Variants in EIF4E2 observed in about 807,000 individuals in gnomAD.
EIF4E2 encodes eukaryotic translation initiation factor 4E type 2.
EIF4E2 carries 13 observed loss-of-function variants against 34.2 expected under a neutral mutation model. The ratio of observed to expected loss-of-function variants is 0.38; its 90% confidence interval spans 0.25 to 0.60. The LOEUF (loss-of-function observed/expected upper bound fraction) is 0.60, where lower values mean the gene tolerates loss of function less well. EIF4E2 is among the 20% of genes least tolerant of loss of function. The pLI, the probability that EIF4E2 is intolerant of heterozygous loss-of-function variation, is 0.62. For synonymous variants in EIF4E2, 100 were observed against 106.6 expected (o/e 0.94, Z 0.38); for missense variants, 222 against 315.1 (o/e 0.70, Z 2.24).
At chr2:232,564,503 C>G (rs748228846) in intron 4 of EIF4E2, 152 bp downstream of exon 4, 2 of 501,574 alleles carry the variant, frequency 4.0e-6, no homozygotes, top group Non-Finnish European at 6.9e-6. Flanking sequence ...CCAGGCTGAG[C>G]GCAGTGGCGC....
Position 232,569,205 on chromosome 2 carries a change from A to G in EIF4E2, c.*188A>G, listed in dbSNP as rs1693033052. 7.0e-7 allele frequency: 1 copy of G among 1,426,250 alleles called. No homozygotes were observed. Among genetic ancestry groups the G allele is most frequent in the African/African-American group, 1.4e-5 (1 of 69,662 alleles). The allele number at this position is 1,426,250 out of a possible 1,614,324, so 88.3% of individuals were successfully genotyped here. ...CTGAGATCACTTAATAAATGGTGCT[A>G]AACTAGCTTGTCTCATGCTCTTGCT... On this transcript the variant is annotated 3_prime_UTR_variant, in exon 7 of 7. Coordinates refer to ENST00000258416, the MANE Select transcript of EIF4E2 (RefSeq NM_004846.4).
chr2:232,551,647 G>A (rs1276904972), intron 1 of EIF4E2, among the ~76,000 whole-genome samples: 1 of 152,188 alleles, frequency 6.6e-6, no homozygotes, highest in East Asian at 1.9e-4. Flanking sequence ...CTGCCACGCC[G>A]GGGTGTGATA....
At chr2:232,577,412 A>AG (rs765687512) in intron 6 of EIF4E2, among the ~76,000 whole-genome samples, 14 of 152,212 alleles carry the variant, frequency 9.2e-5, no homozygotes, top group Non-Finnish European at 1.5e-4. Context: ...TGCCTTTGCC[A>AG]GGCACCAGCA....
intron 6 of EIF4E2, among the ~76,000 whole-genome samples, chr2:232,580,084 CCACACACACACA>C (rs6147227): frequency 0.2 from 28,413 of 145,136 alleles, 3,054 homozygotes; most frequent in Middle Eastern, 0.41. Context: ...CACATACATA[CCACACACACACA>C]CACACACACA....
rs17296210 is a variant in EIF4E2 at position 232,581,858 on chromosome 2, G to A, written c.*915G>A. On this transcript the variant is annotated 3_prime_UTR_variant, in exon 7 of 7. Coordinates refer to the EIF4E2 transcript ENST00000409098. The surrounding 1 kb of genome is among the most constrained non-coding windows in gnomAD (Gnocchi z 5.2). ...GGGAAGCAAAAGCTGGTTATTGCCA[G>A]GCCTATTAACACTTAATATGCAAAT... The A allele has an allele frequency of 0.23, 34,881 of 152,222 alleles. 4,958 individuals carry two copies. Among genetic ancestry groups the A allele is most frequent in the South Asian group, 0.38 (1,811 of 4,826 alleles). The allele number at this position is 152,222 out of a possible 1,614,324, so 9.4% of individuals were successfully genotyped here. A position where few individuals can be genotyped will look rare whatever the true frequency, so the allele number is the denominator to read the frequency against.
intron 3 of EIF4E2, among the ~76,000 whole-genome samples, chr2:232,559,858 G>C (rs961417055): frequency 6.0e-5 from 9 of 150,792 alleles, no homozygotes; most frequent in African/African-American, 2.0e-4. Context: ...GGCCATGTTG[G>C]CATGCACCTG....
In EIF4E2 at chr2:232,564,271, A is replaced by G. The variant is rs745875029; in HGVS notation, c.295A>G (p.Ser99Gly). ...ASVEQFWRFY[S>G]HMVRPGDLTG... ...GGTGGAGCAGTTCTGGAGGTTTTATAGCCACATGGTACGTCCTGGGGACCT... is the reference window on the plus strand; with the variant it reads ...GGTGGAGCAGTTCTGGAGGTTTTATGGCCACATGGTACGTCCTGGGGACCT... The change falls in exon 4 of 7, where the codon AGC becomes GGC. Residue 99 changes from serine to glycine, a missense_variant. Around this residue, in one of 3 missense-constraint regions of EIF4E2, gnomAD observed 105 missense variants for 195.1 expected, o/e 0.54. Coordinates refer to ENST00000258416, the MANE Select transcript of EIF4E2 (RefSeq NM_004846.4). The G allele has an allele frequency of 2.7e-5, 43 of 1,598,380 alleles. No homozygotes were observed. The highest frequency in any genetic ancestry group is 3.5e-5 in the Non-Finnish European group (41 of 1,171,324).
chr2:232,553,764 C>A (rs1402383300), intron 1 of EIF4E2: 1 of 152,142 alleles, frequency 6.6e-6, no homozygotes, highest in Non-Finnish European at 1.5e-5. Flanking sequence ...CATTAGGGTT[C>A]CCATTTACTG....
chr2:232,562,185 A>C (rs1692748406), intron 3 of EIF4E2, among the ~76,000 whole-genome samples: 1 of 152,060 alleles, frequency 6.6e-6, no homozygotes, highest in Admixed American at 6.6e-5. Flanking sequence ...GCTGCACTCC[A>C]GCCTGGGTAA....
intron 2 of EIF4E2, 141 bp from the exon 3 acceptor site, chr2:232,557,743 T>C: frequency 2.1e-6 from 2 of 946,672 alleles, no homozygotes; most frequent in Non-Finnish European, 3.2e-6. Flanking sequence ...GTAAGCAGAA[T>C]CTTTGGCACA....
At chr2:232,558,333 G>T (rs1199399173) in intron 3 of EIF4E2, 2 of 174,750 alleles carry the variant, frequency 1.1e-5, no homozygotes, top group Non-Finnish European at 2.4e-5. Flanking sequence ...CTCCCAGGCT[G>T]GAATGCAGTG....
In EIF4E2 at chr2:232,557,967, G is replaced by A. The variant is rs149527191; in HGVS notation, c.219G>A (p.Thr73=). The change falls in exon 3 of 7, where the codon ACG becomes ACA. Residue 73 remains threonine (T), a synonymous_variant. Transcript: ENST00000258416. ...WYSRRTPGRP[T]SSQSYEQNIK... ...CCAGGAGAACCCCCGGCCGTCCCAC[G>A]AGCTCACAGAGCTATGAACAGAATA... is the stretch of plus-strand genomic sequence containing the variant. 9.3e-6 allele frequency: 15 copies of A among 1,614,116 alleles called. No individual in the cohort carries two copies. The highest frequency in any genetic ancestry group is 8.9e-5 in the East Asian group (4 of 44,880).
At chr2:232,568,393 G>A (rs1220144946) in intron 6 of EIF4E2, 1 of 985,398 alleles carries the variant, frequency 1.0e-6, no homozygotes, top group Non-Finnish European at 1.2e-6. Context: ...ACAGTTATTA[G>A]CCAGCCATGG....
downstream of EIF4E2, among the ~76,000 whole-genome samples, chr2:232,570,347 C>T (rs550507830): frequency 1.9e-4 from 29 of 152,242 alleles, no homozygotes; most frequent in African/African-American, 6.7e-4. Context: ...ATGGAAAGGC[C>T]CATTCTCTAC....
At position 232,564,395 on chromosome 2, in the gene EIF4E2, G is replaced by T. The variant is rs377503123; in HGVS notation, c.375+44G>T. ...TGACTGCTTTTTTGAGCAAGTTTGG[G>T]TTTTTTTGTTTTGTCTCTTAGCCCT... is the stretch of plus-strand genomic sequence containing the variant. On this transcript the variant is annotated intron_variant, in intron 4 of 6. Transcript: ENST00000258416. 9 of 1,246,826 alleles carry T rather than the reference G, an allele frequency of 7.2e-6. No individual in the cohort carries two copies. In the South Asian group the frequency reaches 1.2e-4, roughly 17 times the overall value. 77.2% of individuals were successfully genotyped at this position (1,246,826 alleles called of 1,614,324 possible). A position where few individuals can be genotyped will look rare whatever the true frequency, so the allele number is the denominator to read the frequency against.
chr2:232,581,402 T>TC lies in EIF4E2; in HGVS notation c.*460dup. ...ATAGCTGTAAATGCTCTCTTCTAGC[T>TC]CTGCCATTAAATTATTGGGACATTT... On this transcript the variant is annotated 3_prime_UTR_variant, in exon 7 of 7. Transcript: ENST00000409098. This position sits in a 1 kb window ranked among gnomAD's most constrained non-coding sequence, Gnocchi z 5.2. The TC allele has an allele frequency of 6.3e-6, 2 of 315,722 alleles. No individual in the cohort carries two copies. Among genetic ancestry groups the TC allele is most frequent in the East Asian group, 9.0e-5 (1 of 11,152 alleles). 19.6% of individuals were successfully genotyped at this position (315,722 alleles called of 1,614,324 possible). A position where few individuals can be genotyped will look rare whatever the true frequency, so the allele number is the denominator to read the frequency against.
At chr2:232,576,927 C>G (rs564808804) in intron 6 of EIF4E2, among the ~76,000 whole-genome samples, 1 of 152,138 alleles carries the variant, frequency 6.6e-6, no homozygotes, top group Non-Finnish European at 1.5e-5. Context: ...AATATTTTTC[C>G]TCAATTTATC....
chr2:232,582,884 T>C (rs1005087892), exon 7 of EIF4E2: 1 of 152,254 alleles, frequency 6.6e-6, no homozygotes, highest in Non-Finnish European at 1.5e-5. Context: ...TTTTTGTCGT[T>C]GTAGTATTTG....
At chr2:232,583,539 G>A (rs1316543309) in exon 7 of EIF4E2, 1 of 152,094 alleles carries the variant, frequency 6.6e-6, no homozygotes, top group Non-Finnish European at 1.5e-5. Flanking sequence ...GAATTTCCAA[G>A]TATTTGCCAG....
Sources: gnomAD v4.1 joint callset for allele counts (sites outside exome capture counted in the v4.1 genomes callset) on GRCh38, gnomAD v4.1.1 for gene constraint, gnomAD v4.1.1 regional missense constraint, Gnocchi (gnomAD v3.1) non-coding constraint, MANE v1.5 for transcripts, NCBI Gene and HGNC (gene_info 2026-07-23, HGNC 2026-07-21) for gene names.